Variants in LDLRAD4 observed in about 807,000 individuals in gnomAD.
LDLRAD4 encodes low-density lipoprotein receptor class A domain-containing protein 4.
In LDLRAD4, 5 loss-of-function variants were observed where a neutral mutation model predicts 17.0. The ratio of observed to expected loss-of-function variants is 0.29; its 90% confidence interval spans 0.15 to 0.62. The LOEUF (loss-of-function observed/expected upper bound fraction) is 0.62. Ranked by LOEUF, LDLRAD4 falls within the 20% of genes least tolerant of loss-of-function variation. The pLI is 0.84. For missense variants in LDLRAD4, 340 were observed against 424.7 expected, an observed-to-expected ratio of 0.80 and a Z score of 1.75; for synonymous variants, 168 against 171.8, an observed-to-expected ratio of 0.98 and a Z score of 0.17.
At chr18:13,528,652 T>G (rs1203892914) in intron 3 of LDLRAD4, among the ~76,000 whole-genome samples, 1 of 152,220 alleles carries the variant, frequency 6.6e-6, no homozygotes, top group East Asian at 1.9e-4. Context: ...TTTCAACCTC[T>G]CAACAAGGTT....
At chr18:13,510,519 TGGG>T in intron 3 of LDLRAD4, among the ~76,000 whole-genome samples, 1 of 146,438 alleles carries the variant, frequency 6.8e-6, no homozygotes, top group African/African-American at 2.5e-5. Context: ...TTTGGAGAGT[TGGG>T]GGGAATGTTG....
chr18:13,297,380 C>CA (rs2046334282), intron 1 of LDLRAD4, among the ~76,000 whole-genome samples: 1 of 152,208 alleles, frequency 6.6e-6, no homozygotes, highest in African/African-American at 2.4e-5. Flanking sequence ...GACCACTTAA[C>CA]CCTCATTACC....
In LDLRAD4 at chr18:13,343,551, G is replaced by A. The variant is rs182031975; in HGVS notation, c.-382-43790G>A. Among the ~76,000 whole-genome samples the A allele has an allele frequency of 7.4e-4, 113 of 152,122 alleles. 2 individuals are homozygous for A. The East Asian group carries it at 0.015, about 21-fold the overall frequency. ...AGTGCCACAATAAACATACGTGTGC[G>A]TGTGTCTTTATAGCAGCATGATTTA... On this transcript the variant is annotated intron_variant, in intron 1 of 5. Transcript: ENST00000359446.
intron 1 of LDLRAD4, among the ~76,000 whole-genome samples, chr18:13,340,292 G>A (rs2082306519): frequency 6.6e-6 from 1 of 152,122 alleles, no homozygotes; most frequent in South Asian, 2.1e-4. Flanking sequence ...TCCAGAAGTG[G>A]ACTTGCTGGG....
Position 13,300,289 on chromosome 18 carries a change from A to G in LDLRAD4, c.-383+22101A>G, listed in dbSNP as rs996621873. The stretch of plus-strand genomic sequence containing the variant: ...GCAGCCTCTTCCCACTCTCCTGCCC[A>G]CCCCGCGCCTGTGCTCTGCCTCAGC... On this transcript the variant is annotated intron_variant, in intron 1 of 5. Transcript: ENST00000359446. This position sits in a 1 kb window ranked among gnomAD's most constrained non-coding sequence, Gnocchi z 4.2. 2.6e-5 allele frequency among the ~76,000 whole-genome samples: 4 copies of G among 151,948 alleles called. No homozygotes were observed. The highest frequency in any genetic ancestry group is 7.3e-5 in the African/African-American group (3 of 41,366).
At chr18:13,463,095 G>A (rs1361285164) in intron 3 of LDLRAD4, among the ~76,000 whole-genome samples, 2 of 152,118 alleles carry the variant, frequency 1.3e-5, no homozygotes, top group African/African-American at 2.4e-5. Context: ...CGAAACAATT[G>A]GTGACCCCTG....
chr18:13,499,542 T>C (rs1568261216), intron 3 of LDLRAD4, among the ~76,000 whole-genome samples: 1 of 148,656 alleles, frequency 6.7e-6, no homozygotes, highest in Non-Finnish European at 1.5e-5. Flanking sequence ...GGAGAATCCT[T>C]CTCGCCACAC....
At chr18:13,302,123 G>T (rs2046642664) in intron 1 of LDLRAD4, among the ~76,000 whole-genome samples, 2 of 152,230 alleles carry the variant, frequency 1.3e-5, no homozygotes, top group Admixed American at 6.5e-5. Flanking sequence ...CACAGACCCT[G>T]CAGTCTTCAG....
chr18:13,346,011 T>C (rs530456227), intron 1 of LDLRAD4, among the ~76,000 whole-genome samples: 1 of 152,328 alleles, frequency 6.6e-6, no homozygotes, highest in African/African-American at 2.4e-5. Context: ...TCAATGTTGT[T>C]GATCTTTTCA....
At chr18:13,435,891 C>T (rs967175726) in intron 2 of LDLRAD4, among the ~76,000 whole-genome samples, 3 of 152,228 alleles carry the variant, frequency 2.0e-5, no homozygotes, top group Non-Finnish European at 4.4e-5. Context: ...CTTTGTTATG[C>T]ATGGGGCCAT....
intron 1 of LDLRAD4, among the ~76,000 whole-genome samples, chr18:13,358,754 T>A (rs1388503111): frequency 1.3e-5 from 2 of 152,228 alleles, no homozygotes; most frequent in Non-Finnish European, 1.5e-5. Context: ...CTGTAATTGA[T>A]ACTTAGAAAG....
chr18:13,466,160 A>G (rs1317815681), intron 3 of LDLRAD4, among the ~76,000 whole-genome samples: 2 of 152,218 alleles, frequency 1.3e-5, no homozygotes, highest in Non-Finnish European at 2.9e-5. Flanking sequence ...TTTCAGGGAT[A>G]ATGGAATTGT....
intron 3 of LDLRAD4, among the ~76,000 whole-genome samples, chr18:13,580,568 A>G (rs539628045): frequency 1.3e-5 from 2 of 152,286 alleles, no homozygotes; most frequent in Admixed American, 1.3e-4. Flanking sequence ...CACCTCAGCC[A>G]TCTGCAGGAC....
intron 2 of LDLRAD4, among the ~76,000 whole-genome samples, chr18:13,424,416 C>G (rs2089755844): frequency 6.6e-6 from 1 of 152,062 alleles, no homozygotes; most frequent in Non-Finnish European, 1.5e-5. Flanking sequence ...AAACTCAGCC[C>G]CAAAGTGCAC....
chr18:13,241,361 T>C (rs3901403), intron 1 of LDLRAD4: 76,093 of 152,284 alleles, frequency 0.5, 20,461 homozygotes, highest in African/African-American at 0.71. Context: ...TGTGTATACA[T>C]GCGGAAGTTC....
chr18:13,401,389 G>A (rs898041345), intron 2 of LDLRAD4, among the ~76,000 whole-genome samples: 6 of 146,510 alleles, frequency 4.1e-5, no homozygotes, highest in Admixed American at 1.4e-4. Context: ...AAAAAAAACT[G>A]TCCCTTTCTC....
chr18:13,277,885 A>G (rs989833445), upstream of LDLRAD4, among the ~76,000 whole-genome samples: 1 of 152,222 alleles, frequency 6.6e-6, no homozygotes, highest in Non-Finnish European at 1.5e-5. Flanking sequence ...GAGTGGAGGC[A>G]GAGGGGGATT....
chr18:13,322,367 T>C (rs1408825433), intron 1 of LDLRAD4, among the ~76,000 whole-genome samples: 1 of 147,646 alleles, frequency 6.8e-6, no homozygotes, highest in Non-Finnish European at 1.5e-5. Context: ...TGGCGCAATC[T>C]TGGCTCACTG....
intron 3 of LDLRAD4, among the ~76,000 whole-genome samples, chr18:13,447,378 T>G (rs1466056468): frequency 6.6e-6 from 1 of 150,786 alleles, no homozygotes; most frequent in Non-Finnish European, 1.5e-5. Context: ...GTTGGCTGCC[T>G]TTGTTTCTCC....
Sources: allele counts gnomAD v4.1 joint callset (sites outside exome capture counted in the v4.1 genomes callset), GRCh38; gene constraint gnomAD v4.1.1; non-coding constraint Gnocchi (gnomAD v3.1); transcripts MANE v1.5; gene names NCBI Gene and HGNC (gene_info 2026-07-23, HGNC 2026-07-21).